SNX27: variants seen among roughly 807,000 people sequenced by gnomAD.
SNX27 encodes the protein sorting nexin 27, also known as sorting nexin-27.
Under a neutral mutation model 71.6 loss-of-function variants are expected in SNX27, and 22 were observed. The ratio of observed to expected loss-of-function variants is 0.31; its 90% CI spans 0.22 to 0.44. The LOEUF is 0.44. Among genes scored for constraint, SNX27 ranks in the 20% least tolerant of loss-of-function variants. SNX27 has a pLI of 1.00. For missense variants in SNX27, 531 were observed against 698.6 expected, an observed-to-expected ratio of 0.76 and a Z score of 2.70; for synonymous variants, 269 against 277.2, an observed-to-expected ratio of 0.97 and a Z score of 0.29.
At chr1:151,622,335 A>G (rs55834101) in intron 1 of SNX27, among the ~76,000 whole-genome samples, 1 of 152,152 alleles carries the variant, frequency 6.6e-6, no homozygotes, top group South Asian at 2.1e-4. Context: ...GATTAATTGA[A>G]TATATAGGAA....
At chr1:151,639,492 C>G (rs1452411895) in intron 2 of SNX27, among the ~76,000 whole-genome samples, 5 of 152,108 alleles carry the variant, frequency 3.3e-5, no homozygotes, top group Non-Finnish European at 7.3e-5. Context: ...TGCTATAGGG[C>G]AAGATTAATG....
intron 1 of SNX27, among the ~76,000 whole-genome samples, chr1:151,619,960 A>G (rs1349906928): frequency 6.6e-6 from 1 of 152,258 alleles, no homozygotes; most frequent in Non-Finnish European, 1.5e-5. Context: ...ATCGAAGTAT[A>G]GAGGCAGGAG....
intron 8 of SNX27, among the ~76,000 whole-genome samples, chr1:151,691,470 T>G (rs1035262321): frequency 1.3e-5 from 2 of 148,456 alleles, no homozygotes; most frequent in African/African-American, 2.5e-5. Flanking sequence ...TTTCTGGTTT[T>G]TTTTTTTTTT....
At chr1:151,614,014 A>T (rs184887214) in intron 1 of SNX27, 1 of 152,216 alleles carries the variant, frequency 6.6e-6, no homozygotes, top group East Asian at 1.9e-4. Context: ...CAAAAGGGAT[A>T]GTTTTTTGAA....
At chr1:151,692,824 C>T (rs544983341) in intron 9 of SNX27, 87 bp from the exon 10 acceptor site, 1 of 1,558,726 alleles carries the variant, frequency 6.4e-7, no homozygotes, top group African/African-American at 1.4e-5. Flanking sequence ...CATTTCTCTT[C>T]TGTCTCCTGG....
intron 1 of SNX27, among the ~76,000 whole-genome samples, chr1:151,627,358 T>C (rs1394324217): frequency 5.3e-5 from 8 of 152,258 alleles, no homozygotes; most frequent in African/African-American, 1.9e-4. Flanking sequence ...AACAACTTTA[T>C]TGACTAAAGT....
intron 1 of SNX27, chr1:151,615,933 A>T (rs1220751065): frequency 1.9e-6 from 1 of 513,432 alleles, no homozygotes; most frequent in Non-Finnish European, 2.5e-6. Context: ...TAGTCCTGAA[A>T]CTAAATTGGA....
At chr1:151,616,878 C>T (rs1261579142) in intron 1 of SNX27, among the ~76,000 whole-genome samples, 1 of 152,138 alleles carries the variant, frequency 6.6e-6, no homozygotes, top group African/African-American at 2.4e-5. Flanking sequence ...TTCAGTAGAT[C>T]TTTCATAGGG....
chr1:151,621,646 A>G (rs1667681040), intron 1 of SNX27, among the ~76,000 whole-genome samples: 1 of 152,226 alleles, frequency 6.6e-6, no homozygotes, highest in South Asian at 2.1e-4. Flanking sequence ...CTCTTAAAGA[A>G]CTTTCAATAA....
chr1:151,683,499 C>A (rs1671060917), intron 8 of SNX27, 54 bp downstream of exon 8: 1 of 1,311,314 alleles, frequency 7.6e-7, no homozygotes, highest in Non-Finnish European at 1.1e-6. Context: ...ACCTTTAAAA[C>A]CTATAGTCCT....
intron 8 of SNX27, among the ~76,000 whole-genome samples, chr1:151,686,037 C>G (rs1671180921): frequency 1.3e-5 from 2 of 152,202 alleles, no homozygotes; most frequent in African/African-American, 2.4e-5. Context: ...ACATTTGCAT[C>G]TTTTTGGTGA....
At chr1:151,671,312 AC>A (rs1167837260) in intron 7 of SNX27, among the ~76,000 whole-genome samples, 4 of 149,528 alleles carry the variant, frequency 2.7e-5, no homozygotes, top group South Asian at 4.2e-4. Context: ...ATCACAACTC[AC>A]TGCAGCCTTG....
intron 6 of SNX27, chr1:151,666,570 G>A (rs944651306): frequency 2.6e-5 from 4 of 152,254 alleles, no homozygotes; most frequent in African/African-American, 9.6e-5. Flanking sequence ...ACAAAGGGGA[G>A]AGAGTCTGAG....
At chr1:151,680,539 A>G (rs753371622) in intron 7 of SNX27, 4 of 152,214 alleles carry the variant, frequency 2.6e-5, no homozygotes, top group Non-Finnish European at 4.4e-5. Context: ...GCTGGAGTAG[A>G]TAATCACTGT....
intron 2 of SNX27, among the ~76,000 whole-genome samples, chr1:151,651,788 C>G (rs1669395853): frequency 6.6e-6 from 1 of 152,006 alleles, no homozygotes; most frequent in South Asian, 2.1e-4. Flanking sequence ...CTCCTCACTT[C>G]CCAGACGGGG....
At chr1:151,628,229 A>T (rs951311623) in intron 1 of SNX27, among the ~76,000 whole-genome samples, 1 of 151,642 alleles carries the variant, frequency 6.6e-6, no homozygotes, top group African/African-American at 2.4e-5. Flanking sequence ...CTGGTGTCAA[A>T]CTCCTGACCT....
intron 1 of SNX27, among the ~76,000 whole-genome samples, chr1:151,638,274 T>C (rs892821312): frequency 3.3e-5 from 5 of 152,202 alleles, no homozygotes; most frequent in Non-Finnish European, 4.4e-5. Flanking sequence ...TGGAAACTAG[T>C]GTATGTGAAG....
chr1:151,675,307 T>C (rs992088135), intron 7 of SNX27, among the ~76,000 whole-genome samples: 1 of 152,226 alleles, frequency 6.6e-6, no homozygotes, highest in Non-Finnish European at 1.5e-5. Context: ...TACTTGTTTT[T>C]AATCTGCCAT....
In SNX27 at chr1:151,692,667, TA is replaced by T. The variant is rs149478376; in HGVS notation, c.1389+84del. On this transcript the variant is annotated intron_variant, in intron 9 of 11. Coordinates refer to ENST00000458013, the MANE Select transcript of SNX27 (RefSeq NM_001330723.2). The stretch of plus-strand genomic sequence containing the variant: ...TGCTTGTGACGTTTTAATTCCATTT[TA>T]GGGGGAAATGAAATCAAAACTGTAT... 5,189 of 1,548,026 alleles carry T rather than the reference TA, an allele frequency of 3.4e-3. 174 individuals are homozygous for T. In the Admixed American group the frequency reaches 0.061, roughly 18 times the overall value.
Sources: gnomAD v4.1 joint callset for allele counts (sites outside exome capture counted in the v4.1 genomes callset) on GRCh38, gnomAD v4.1.1 for gene constraint, MANE v1.5 for transcripts, NCBI Gene and HGNC (gene_info 2026-07-23, HGNC 2026-07-21) for gene names.